The following NRG3 variants were observed in gnomAD, a reference collection of about 807,000 sequenced individuals.
The protein encoded by NRG3 is neuregulin 3.
Under a neutral mutation model 66.9 loss-of-function variants are expected in NRG3, and 31 were observed. The ratio of observed to expected loss-of-function variants is 0.46; its 90% CI spans 0.35 to 0.63. The LOEUF (loss-of-function observed/expected upper bound fraction) is 0.63, where lower values mean the gene tolerates loss of function less well. NRG3 is among the 20% of genes least tolerant of loss of function. The probability of loss-of-function intolerance (pLI) is 0.00; values close to 1 mark genes in which losing one functional copy is unlikely to be tolerated. For missense variants in NRG3, 910 were observed against 878.9 expected, an observed-to-expected ratio of 1.04 and a Z score of -0.45; for synonymous variants, 393 against 359.4, an observed-to-expected ratio of 1.09 and a Z score of -1.06.
chr10:82,073,113 GA>G (rs142441568), intron 1 of NRG3, among the ~76,000 whole-genome samples: 29,044 of 145,752 alleles, frequency 0.2, 2,902 homozygotes, highest in East Asian at 0.33. Context: ...AGGAAGAAGT[GA>G]AAAAAAAAAA....
chr10:82,761,930 T>TTCTTTCTTTC (rs2059328574), intron 3 of NRG3, among the ~76,000 whole-genome samples: 1 of 108,984 alleles, frequency 9.2e-6, no homozygotes, highest in Admixed American at 9.3e-5. Flanking sequence ...TTCTCTTTCT[T>TTCTTTCTTTC]TCTTTCTTTC....
chr10:82,836,077 CAT>C (rs1484306850), intron 3 of NRG3, among the ~76,000 whole-genome samples: 8 of 152,090 alleles, frequency 5.3e-5, no homozygotes, highest in Admixed American at 1.3e-4. Flanking sequence ...TATTTTGTGA[CAT>C]GTGAAAATCA....
chr10:82,018,609 G>A (rs374850445), intron 1 of NRG3, among the ~76,000 whole-genome samples: 41 of 151,906 alleles, frequency 2.7e-4, no homozygotes, highest in South Asian at 1.0e-3. Flanking sequence ...CTTTTATTTC[G>A]TTGAGCAGTG....
intron 2 of NRG3, among the ~76,000 whole-genome samples, chr10:82,629,611 G>C (rs1467219195): frequency 6.6e-6 from 1 of 152,172 alleles, no homozygotes; most frequent in African/African-American, 2.4e-5. Flanking sequence ...CTGAAGTAGT[G>C]AGTTTCCTGC....
At chr10:82,008,429 G>C (rs541937665) in intron 1 of NRG3, among the ~76,000 whole-genome samples, 1 of 152,272 alleles carries the variant, frequency 6.6e-6, no homozygotes, top group South Asian at 2.1e-4. Context: ...TATTACATAG[G>C]TGTGCTAAAT....
rs532929279 is a variant in NRG3, at chr10:82,232,838, C to T, written c.824-125901C>T. On this transcript the variant is annotated intron_variant, in intron 1 of 8. Coordinates refer to ENST00000372141, the MANE Select transcript of NRG3 (RefSeq NM_001010848.4). ...GAGCAAGGTAAGTTGTAAGGCATGG[C>T]CTTTGTTGGGGTTTCTGAGAGAAGG... 8.6e-4 allele frequency: 620 copies of T among 717,168 alleles called. 15 individuals are homozygous for T. In the South Asian group the frequency reaches 9.0e-3, roughly 10 times the overall value. The allele number at this position is 717,168 out of a possible 1,614,324, so 44.4% of individuals were successfully genotyped here.
chr10:82,934,410 G>A (rs1164902179), intron 4 of NRG3, among the ~76,000 whole-genome samples: 2 of 152,176 alleles, frequency 1.3e-5, no homozygotes, highest in African/African-American at 4.8e-5. Context: ...CACCTTGTGG[G>A]TCATGTATGG....
chr10:82,628,055 AG>A (rs1565143427), intron 2 of NRG3, among the ~76,000 whole-genome samples: 1 of 152,208 alleles, frequency 6.6e-6, no homozygotes, highest in East Asian at 1.9e-4. Context: ...CCAAGGTCAC[AG>A]CTAGTAAATG....
chr10:82,913,355 A>G (rs1423268154), intron 4 of NRG3, among the ~76,000 whole-genome samples: 2 of 152,258 alleles, frequency 1.3e-5, no homozygotes, highest in Non-Finnish European at 2.9e-5. Context: ...TAAGAAAAAT[A>G]AACATTTTAT....
chr10:82,598,999 G>A (rs1166841401), intron 2 of NRG3, among the ~76,000 whole-genome samples: 1 of 151,902 alleles, frequency 6.6e-6, no homozygotes, highest in South Asian at 2.1e-4. Context: ...GCAGTGAGCC[G>A]AGATCATACC....
chr10:82,258,149 C>T (rs537384854), intron 1 of NRG3, among the ~76,000 whole-genome samples: 3 of 152,210 alleles, frequency 2.0e-5, no homozygotes, highest in African/African-American at 4.8e-5. Context: ...AGGTGCTGTA[C>T]GAGAATAAAA....
At chr10:82,981,618 C>T (rs1189806827) in intron 8 of NRG3, among the ~76,000 whole-genome samples, 14 of 152,302 alleles carry the variant, frequency 9.2e-5, no homozygotes, top group African/African-American at 1.2e-4. Context: ...AGTTAGGCTT[C>T]CAACGTATGT....
chr10:82,165,804 C>G (rs1027340919), intron 1 of NRG3, among the ~76,000 whole-genome samples: 3 of 151,656 alleles, frequency 2.0e-5, no homozygotes, highest in Admixed American at 2.0e-4. Context: ...CCTTGGAAAT[C>G]TAAGAATTAT....
chr10:82,881,499 C>G (rs995277538), intron 4 of NRG3, among the ~76,000 whole-genome samples: 1 of 152,100 alleles, frequency 6.6e-6, no homozygotes, highest in Non-Finnish European at 1.5e-5. Context: ...AGAAAATAAT[C>G]AAGATGTCTA....
At chr10:82,607,007 G>A (rs1233551168) in intron 2 of NRG3, among the ~76,000 whole-genome samples, 2 of 152,072 alleles carry the variant, frequency 1.3e-5, no homozygotes, top group African/African-American at 2.4e-5. Flanking sequence ...TCTTGGGGAG[G>A]CAGATTTGAG....
At chr10:82,747,213 CTATTCTTTTA>C (rs1365806551) in intron 3 of NRG3, among the ~76,000 whole-genome samples, 6 of 151,976 alleles carry the variant, frequency 3.9e-5, no homozygotes, top group Admixed American at 6.5e-5. Context: ...TTCTTTTAAA[CTATTCTTTTA>C]TATTCTTTTA....
chr10:82,679,431 A>G (rs1256139404), intron 2 of NRG3, among the ~76,000 whole-genome samples: 4 of 152,154 alleles, frequency 2.6e-5, no homozygotes, highest in Admixed American at 2.6e-4. Context: ...TCTGGTATCT[A>G]AATAAAGGAA....
intron 1 of NRG3, among the ~76,000 whole-genome samples, chr10:82,112,669 A>G (rs931195465): frequency 1.3e-5 from 2 of 152,188 alleles, no homozygotes; most frequent in Non-Finnish European, 2.9e-5. Context: ...TCTATTATTC[A>G]TGGATCTTAC....
intron 2 of NRG3, among the ~76,000 whole-genome samples, chr10:82,449,904 A>T (rs1161731425): frequency 6.6e-6 from 1 of 152,172 alleles, no homozygotes; most frequent in African/African-American, 2.4e-5. Flanking sequence ...ATAGCAGAAG[A>T]CTATGGGTGA....
Sources: allele counts gnomAD v4.1 joint callset (sites outside exome capture counted in the v4.1 genomes callset), GRCh38; gene constraint gnomAD v4.1.1; transcripts MANE v1.5; gene names NCBI Gene and HGNC (gene_info 2026-07-23, HGNC 2026-07-21).